Variants in PAK1 observed in about 807,000 individuals in gnomAD.
PAK1 encodes p21 (RAC1) activated kinase 1.
A neutral mutation model predicts 67.4 loss-of-function variants in PAK1; 29 were observed. That is an observed-to-expected ratio of 0.43 (90% CI 0.32 to 0.59). The LOEUF (loss-of-function observed/expected upper bound fraction) is 0.59, where lower values mean the gene tolerates loss of function less well. PAK1 is among the 20% of genes least tolerant of loss of function. The probability of loss-of-function intolerance (pLI) is 0.07; values close to 1 mark genes in which losing one functional copy is unlikely to be tolerated. For missense variants in PAK1, 337 were observed against 670.7 expected, an observed-to-expected ratio of 0.50 and a Z score of 5.50; for synonymous variants, 223 against 237.4, an observed-to-expected ratio of 0.94 and a Z score of 0.56.
chr11:77,519,325 C>T, the PAK1 span, among the ~76,000 whole-genome samples: 1 of 152,070 alleles, frequency 6.6e-6, no homozygotes, highest in Non-Finnish European at 1.5e-5. Flanking sequence ...ATAAAATATC[C>T]CACATTCTGG....
intron 12 of PAK1, among the ~76,000 whole-genome samples, chr11:77,336,843 C>A (rs762187149): frequency 6.6e-6 from 1 of 151,972 alleles, no homozygotes; most frequent in Non-Finnish European, 1.5e-5. Flanking sequence ...ATGGTTTTTA[C>A]ATTATATTGC....
chr11:77,328,355 C>T (rs1940572479), intron 14 of PAK1, among the ~76,000 whole-genome samples: 1 of 152,184 alleles, frequency 6.6e-6, no homozygotes, highest in Non-Finnish European at 1.5e-5. Flanking sequence ...CCACACCACA[C>T]CTACTCCAAA....
intron 1 of PAK1, among the ~76,000 whole-genome samples, chr11:77,468,710 A>G (rs1446606733): frequency 6.6e-6 from 1 of 152,214 alleles, no homozygotes; most frequent in Non-Finnish European, 1.5e-5. Flanking sequence ...GAAGCTAAAG[A>G]GATTAGGAAC....
At chr11:77,476,472 C>A (rs1483506826), upstream of PAK1, 1 of 152,116 alleles carries the variant, frequency 6.6e-6, no homozygotes, top group African/African-American at 2.4e-5. Context: ...GAATATGTTA[C>A]CTTCCATGAC....
At chr11:77,490,500 G>A in the PAK1 span, among the ~76,000 whole-genome samples, 1 of 150,430 alleles carries the variant, frequency 6.6e-6, no homozygotes, top group Non-Finnish European at 1.5e-5. Context: ...CGTCCGGGAG[G>A]GAGGTGGGGG....
chr11:77,526,914 G>A, the PAK1 span, among the ~76,000 whole-genome samples: 9 of 139,300 alleles, frequency 6.5e-5, no homozygotes, highest in African/African-American at 2.1e-4. Flanking sequence ...AGACTCCATC[G>A]CAAAAAAAAA....
intron 2 of PAK1, 23 bp downstream of exon 2, chr11:77,392,308 G>A: frequency 2.7e-6 from 4 of 1,474,222 alleles, no homozygotes; most frequent in Non-Finnish European, 3.7e-6. Flanking sequence ...TATAAATGAT[G>A]AGAAGAAAAT....
At chr11:77,351,142 T>C (rs942107263) in intron 8 of PAK1, among the ~76,000 whole-genome samples, 1 of 152,172 alleles carries the variant, frequency 6.6e-6, no homozygotes, top group African/African-American at 2.4e-5. Flanking sequence ...CAATTCATCA[T>C]ATTGGTGTGA....
At chr11:77,508,472 C>T in the PAK1 span, among the ~76,000 whole-genome samples, 1 of 152,044 alleles carries the variant, frequency 6.6e-6, no homozygotes, top group African/African-American at 2.4e-5. Flanking sequence ...ATTTTCGTAA[C>T]TCCTCCCACC....
intron 1 of PAK1, among the ~76,000 whole-genome samples, chr11:77,435,898 T>G (rs553667856): frequency 1.3e-5 from 2 of 152,214 alleles, no homozygotes; most frequent in East Asian, 3.9e-4. Flanking sequence ...TCAACTAATT[T>G]AAGTAGATTT....
the PAK1 span, among the ~76,000 whole-genome samples, chr11:77,490,641 A>G: frequency 6.6e-6 from 1 of 152,250 alleles, no homozygotes; most frequent in Non-Finnish European, 1.5e-5. Flanking sequence ...CCAACAGCTC[A>G]TTGAGAACGG....
At chr11:77,422,554 C>CGA (rs1955326043) in intron 1 of PAK1, among the ~76,000 whole-genome samples, 1 of 137,192 alleles carries the variant, frequency 7.3e-6, no homozygotes, top group Non-Finnish European at 1.6e-5. Context: ...GACACCGTCT[C>CGA]AAAAAAAAAA....
intron 1 of PAK1, among the ~76,000 whole-genome samples, chr11:77,466,078 A>G (rs565245913): frequency 6.6e-6 from 1 of 152,354 alleles, no homozygotes; most frequent in Non-Finnish European, 1.5e-5. Context: ...TTGTTCCTGT[A>G]GCCCATTGGG....
chr11:77,400,012 A>G (rs1362022601), intron 1 of PAK1, among the ~76,000 whole-genome samples: 1 of 152,136 alleles, frequency 6.6e-6, no homozygotes, highest in Non-Finnish European at 1.5e-5. Flanking sequence ...ACTCACTGTA[A>G]GATTCTTCTG....
the PAK1 span, among the ~76,000 whole-genome samples, chr11:77,507,523 AC>A: frequency 6.6e-6 from 1 of 151,816 alleles, no homozygotes; most frequent in Admixed American, 6.6e-5. Flanking sequence ...AATCCAATAT[AC>A]TTTTTTTTTC....
At chr11:77,411,112 A>T (rs1156745433) in intron 1 of PAK1, among the ~76,000 whole-genome samples, 1 of 152,016 alleles carries the variant, frequency 6.6e-6, no homozygotes, top group Admixed American at 6.6e-5. Context: ...GTCCCTGAAG[A>T]ACCACCAAGA....
intron 14 of PAK1, among the ~76,000 whole-genome samples, chr11:77,331,674 T>C (rs1038180910): frequency 2.6e-5 from 4 of 151,994 alleles, no homozygotes; most frequent in African/African-American, 9.7e-5. Flanking sequence ...TTAAGAGATA[T>C]ACCTAATGCT....
Position 77,351,247 on chromosome 11 carries a change from T to C in PAK1, c.837-1960A>G, listed in dbSNP as rs139609404. On this transcript the variant is annotated intron_variant, in intron 8 of 14. Transcript: ENST00000356341. Reference sequence around the variant, plus strand: ...CCTTAGCACTAACAGACCTGTCAAGTAAGCAAGGAAAGAACATTATGCAGA... The same window carrying C: ...CCTTAGCACTAACAGACCTGTCAAGCAAGCAAGGAAAGAACATTATGCAGA... 2.8e-4 allele frequency among the ~76,000 whole-genome samples: 43 copies of C among 151,400 alleles called. No individual in the cohort carries two copies. In the South Asian group the frequency reaches 5.4e-3, roughly 19 times the overall value.
At chr11:77,337,809 G>A (rs867596804) in intron 11 of PAK1, among the ~76,000 whole-genome samples, 24 of 152,298 alleles carry the variant, frequency 1.6e-4, no homozygotes, top group Non-Finnish European at 2.4e-4. Context: ...CATATTTGAG[G>A]AAGCAGACAT....
Sources: allele counts gnomAD v4.1 joint callset (sites outside exome capture counted in the v4.1 genomes callset), GRCh38; gene constraint gnomAD v4.1.1; transcripts MANE v1.5; gene names NCBI Gene and HGNC (gene_info 2026-07-23, HGNC 2026-07-21).